The following STAT5B variants were observed in gnomAD, a reference collection of about 807,000 sequenced individuals.
STAT5B encodes transcription factor STAT5B.
Under a neutral mutation model 107.8 loss-of-function variants are expected in STAT5B, and 21 were observed. The ratio of observed to expected loss-of-function variants is 0.19; its 90% CI spans 0.14 to 0.28. STAT5B has a LOEUF of 0.28. STAT5B is among the 10% of genes least tolerant of loss of function. STAT5B has a pLI of 1.00. For synonymous variants in STAT5B, 325 were observed against 401.7 expected (o/e 0.81, Z 2.28); for missense variants, 565 against 1,008.2 (o/e 0.56, Z 5.95).
chr17:42,243,882 T>C (rs2080426711), intron 1 of STAT5B, among the ~76,000 whole-genome samples: 1 of 148,078 alleles, frequency 6.8e-6, no homozygotes, highest in African/African-American at 2.6e-5. Context: ...TGTACATGTG[T>C]TATCATTATC....
intron 1 of STAT5B, among the ~76,000 whole-genome samples, chr17:42,259,104 A>T (rs1458236909): frequency 1.3e-5 from 2 of 152,152 alleles, no homozygotes; most frequent in East Asian, 1.9e-4. Flanking sequence ...ATAACAAAAC[A>T]CCCTGCCTAA....
At chr17:42,207,518 CACACACA>C in intron 16 of STAT5B, 33 bp downstream of exon 16, 1 of 1,582,544 alleles carries the variant, frequency 6.3e-7, no homozygotes, top group African/African-American at 1.5e-5. Flanking sequence ...CACACACACA[CACACACA>C]ACAAAATCAA....
chr17:42,222,126 T>G (rs1171153940), intron 5 of STAT5B, among the ~76,000 whole-genome samples: 19 of 134,914 alleles, frequency 1.4e-4, no homozygotes, highest in South Asian at 7.3e-4. Context: ...CTGTGGGGGG[T>G]GTGTGTGCTG....
chr17:42,221,319 G>A (rs1200814576), intron 5 of STAT5B, among the ~76,000 whole-genome samples: 1 of 152,136 alleles, frequency 6.6e-6, no homozygotes, highest in Admixed American at 6.5e-5. Context: ...CCTATGCAAG[G>A]GACCCACTTA....
rs1188117424 is a variant in STAT5B at position 42,248,330 on chromosome 17, A to G, written c.-10-16193T>C. 2.0e-5 allele frequency among the ~76,000 whole-genome samples: 3 copies of G among 151,996 alleles called. No individual in the cohort carries two copies. In the East Asian group the frequency reaches 5.8e-4, roughly 29 times the overall value. ...TAATTCTGAGAAGAAATGACATTTA[A>G]TAAGAGCTCATGTCTTAGCAAATCA... is the stretch of plus-strand genomic sequence containing the variant. On this transcript the variant is annotated intron_variant, in intron 1 of 18. Coordinates refer to ENST00000293328, the MANE Select transcript of STAT5B (RefSeq NM_012448.4).
chr17:42,254,708 AAGAG>A (rs2080527231), intron 1 of STAT5B, among the ~76,000 whole-genome samples: 2 of 152,248 alleles, frequency 1.3e-5, no homozygotes, highest in South Asian at 4.1e-4. Flanking sequence ...AAAAGGAAGA[AAGAG>A]AGAGAGGGAA....
intron 1 of STAT5B, among the ~76,000 whole-genome samples, chr17:42,249,597 T>C (rs1470268329): frequency 6.6e-6 from 1 of 152,126 alleles, no homozygotes; most frequent in Non-Finnish European, 1.5e-5. Context: ...AATATATAAG[T>C]TTCTTAGATT....
intron 2 of STAT5B, among the ~76,000 whole-genome samples, chr17:42,228,501 C>T (rs2080292755): frequency 6.6e-6 from 1 of 152,168 alleles, no homozygotes; most frequent in Non-Finnish European, 1.5e-5. Flanking sequence ...AAACAGCTGT[C>T]GGACTGAAAT....
At chr17:42,209,668 G>C (rs569326491) in intron 15 of STAT5B, among the ~76,000 whole-genome samples, 1 of 152,138 alleles carries the variant, frequency 6.6e-6, no homozygotes, top group Non-Finnish European at 1.5e-5. Context: ...TGTTTGTGCC[G>C]CTGCACTCCA....
At chr17:42,224,705 C>T in intron 4 of STAT5B, 74 bp downstream of exon 4, 2 of 1,471,528 alleles carry the variant, frequency 1.4e-6, no homozygotes, top group Middle Eastern at 1.9e-4. Flanking sequence ...GTCACCTTGA[C>T]AAAGGTGGGT....
chr17:42,245,916 C>T (rs1266819708), intron 1 of STAT5B, among the ~76,000 whole-genome samples: 1 of 152,180 alleles, frequency 6.6e-6, no homozygotes, highest in Non-Finnish European at 1.5e-5. Context: ...ACCTCGGCCT[C>T]CCAAACTGCT....
chr17:42,240,058 T>C (rs963969990), intron 1 of STAT5B, among the ~76,000 whole-genome samples: 2 of 152,168 alleles, frequency 1.3e-5, no homozygotes, highest in African/African-American at 4.8e-5. Context: ...TGCTTGAATC[T>C]GGGAGGTGGA....
chr17:42,243,192 A>T (rs8071791), intron 1 of STAT5B, among the ~76,000 whole-genome samples: 341 of 125,762 alleles, frequency 2.7e-3, no homozygotes, highest in Non-Finnish European at 3.9e-3. Flanking sequence ...AATAAATAAA[A>T]AAAAAATATA....
intron 1 of STAT5B, among the ~76,000 whole-genome samples, chr17:42,262,924 A>G (rs1166769509): frequency 0.012 from 904 of 73,254 alleles, 25 homozygotes; most frequent in African/African-American, 0.041. Flanking sequence ...ATATGTGTGT[A>G]TATATATATG....
intron 10 of STAT5B, 44 bp from the exon 11 acceptor site, chr17:42,217,326 T>TC (rs768271294): frequency 6.2e-7 from 1 of 1,614,092 alleles, no homozygotes; most frequent in Admixed American, 1.7e-5. Context: ...TATAAGTTGT[T>TC]CCCCTCAAAG....
At chr17:42,242,745 A>G (rs2080414691) in intron 1 of STAT5B, among the ~76,000 whole-genome samples, 1 of 152,164 alleles carries the variant, frequency 6.6e-6, no homozygotes, top group Non-Finnish European at 1.5e-5. Flanking sequence ...AGCCCAGAGG[A>G]TCACTCAAGG....
intron 9 of STAT5B, 112 bp from the exon 10 acceptor site, chr17:42,217,576 G>T: frequency 8.9e-7 from 1 of 1,119,434 alleles, no homozygotes. Context: ...AAAAATGTAC[G>T]TCATTTAGAG....
At position 42,202,429 on chromosome 17, in the gene STAT5B, T is replaced by A. The variant is rs754980286; in HGVS notation, c.2148A>T (p.Ala716=). 2.5e-5 allele frequency: 40 copies of A among 1,614,096 alleles called. No individual in the cohort carries two copies. In the Middle Eastern group the frequency reaches 1.2e-3, roughly 47 times the overall value. ...ACGTGGCGCTGCCGCCCCCGGCATC[T>A]GCAGATGCGTTCACAAACCTGCAGA... ...QVVPEFVNAS[A]DAGGGSATYM... The change falls in exon 18 of 19, where the codon GCA becomes GCT. Residue 716 remains alanine, a synonymous_variant. Transcript: ENST00000293328.
chr17:42,249,252 G>A (rs2080477855), intron 1 of STAT5B, among the ~76,000 whole-genome samples: 1 of 152,172 alleles, frequency 6.6e-6, no homozygotes, highest in South Asian at 2.1e-4. Flanking sequence ...AATTAGCTGG[G>A]TGTGGTGGCG....
Sources: allele counts gnomAD v4.1 joint callset (sites outside exome capture counted in the v4.1 genomes callset), GRCh38; gene constraint gnomAD v4.1.1; transcripts MANE v1.5; gene names NCBI Gene and HGNC (gene_info 2026-07-23, HGNC 2026-07-21).